The following MTOR variants were observed in gnomAD, a reference collection of about 807,000 sequenced individuals.
The protein encoded by MTOR is serine/threonine-protein kinase mTOR.
A neutral mutation model predicts 319.8 loss-of-function variants in MTOR; 70 were observed. That is an observed-to-expected ratio of 0.22 (90% CI 0.18 to 0.27). The LOEUF (loss-of-function observed/expected upper bound fraction) is 0.27. MTOR is among the 10% of genes least tolerant of loss of function. MTOR has a pLI of 1.00. For missense variants in MTOR, 1,890 were observed against 3,274.4 expected (o/e 0.58, Z 10.32); for synonymous variants, 1,183 against 1,211.4 (o/e 0.98, Z 0.49).
In MTOR at chr1:11,133,205, C is replaced by T. The variant is rs550835012; in HGVS notation, c.5247-8G>A. On this transcript the variant is annotated splice_region_variant and splice_polypyrimidine_tract_variant and intron_variant, in intron 37 of 57. Transcript: ENST00000361445. This position sits in a 1 kb window ranked among gnomAD's most constrained non-coding sequence, Gnocchi z 4.0. ...CCAAGTTTCAGGAAGCATCTGGAAGCAGAGAAACAAGCCCCCATGACATTC... is the reference window on the plus strand; with the variant it reads ...CCAAGTTTCAGGAAGCATCTGGAAGTAGAGAAACAAGCCCCCATGACATTC... The T allele has an allele frequency of 4.8e-5, 77 of 1,612,944 alleles. 1 individual carries two copies. In the South Asian group the frequency reaches 8.3e-4, roughly 17 times the overall value.
At chr1:11,112,726 C>T (rs1265765418) in intron 54 of MTOR, 126 bp downstream of exon 54, 2 of 989,822 alleles carry the variant, frequency 2.0e-6, no homozygotes, top group African/African-American at 1.6e-5. Flanking sequence ...TCTAGAAACA[C>T]TCTGCACAAG....
chr1:11,213,118 G>A (rs1646362582), intron 21 of MTOR, among the ~76,000 whole-genome samples: 1 of 152,148 alleles, frequency 6.6e-6, no homozygotes, highest in South Asian at 2.1e-4. Context: ...GCTTATTTGA[G>A]TTGATAAGGA....
chr1:11,165,198 T>G (rs143398929), intron 29 of MTOR, among the ~76,000 whole-genome samples: 8,993 of 152,244 alleles, frequency 0.059, 372 homozygotes, highest in South Asian at 0.12. Flanking sequence ...AAGACAGGGA[T>G]GCCCTCTCTC....
At chr1:11,134,836 T>C (rs768875810) in intron 36 of MTOR, among the ~76,000 whole-genome samples, 1 of 152,250 alleles carries the variant, frequency 6.6e-6, no homozygotes, top group Non-Finnish European at 1.5e-5. Flanking sequence ...CTTTTGGGAA[T>C]TGTTTCAGGC....
intron 46 of MTOR, 117 bp downstream of exon 46, chr1:11,126,505 G>C: frequency 2.6e-6 from 3 of 1,160,692 alleles, no homozygotes; most frequent in Non-Finnish European, 3.6e-6. Context: ...GCATGGGAGA[G>C]ATGTAGCTAT....
intron 57 of MTOR, among the ~76,000 whole-genome samples, 159 bp downstream of exon 57, chr1:11,108,022 A>G (rs1641661152): frequency 6.6e-6 from 1 of 152,198 alleles, no homozygotes; most frequent in South Asian, 2.1e-4. Flanking sequence ...TTTTATAACA[A>G]TGGGCACATG....
At chr1:11,189,737 A>C in intron 28 of MTOR, 2 of 1,614,172 alleles carry the variant, frequency 1.2e-6, no homozygotes, top group East Asian at 2.2e-5. Flanking sequence ...AAGGAGCTCA[A>C]GGCCCAAGTT....
At chr1:11,141,580 C>T (rs973098464) in intron 34 of MTOR, among the ~76,000 whole-genome samples, 3 of 151,686 alleles carry the variant, frequency 2.0e-5, no homozygotes, top group Non-Finnish European at 2.9e-5. Flanking sequence ...TGTTGGCCAG[C>T]CTGGTCTTGA....
intron 19 of MTOR, among the ~76,000 whole-genome samples, chr1:11,227,547 A>T (rs1043932476): frequency 1.3e-5 from 2 of 152,146 alleles, no homozygotes; most frequent in Non-Finnish European, 2.9e-5. Flanking sequence ...TAAGAATAAC[A>T]GGAACTACAA....
intron 1 of MTOR, among the ~76,000 whole-genome samples, chr1:11,260,843 G>A (rs1201115313): frequency 6.7e-6 from 1 of 148,386 alleles, no homozygotes; most frequent in Non-Finnish European, 1.5e-5. Flanking sequence ...AGGCTGGAGT[G>A]CAGTGGCATG....
intron 29 of MTOR, among the ~76,000 whole-genome samples, chr1:11,159,122 T>C (rs1305905787): frequency 6.6e-6 from 1 of 152,210 alleles, no homozygotes; most frequent in Non-Finnish European, 1.5e-5. Context: ...GCAGATCACC[T>C]GAATACCAGA....
Position 11,125,958 on chromosome 1 carries a change from T to A in MTOR, c.6526+664A>T, listed in dbSNP as rs529413052. Among the ~76,000 whole-genome samples, 86 of 149,206 alleles carry A rather than the reference T, an allele frequency of 5.8e-4. No homozygotes were observed. In the South Asian group the frequency reaches 7.9e-3, roughly 14 times the overall value. ...CGGGAGGCTGAGACAGGAGAATTGC[T>A]TGAACCTGGGAGGTGGAGGTTGCAG... On this transcript the variant is annotated intron_variant, in intron 46 of 57. Coordinates refer to ENST00000361445, the MANE Select transcript of MTOR (RefSeq NM_004958.4).
chr1:11,129,934 G>A lies in MTOR; in HGVS notation c.5614-96C>T, dbSNP rs3730382. 2.2e-4 allele frequency: 233 copies of A among 1,038,256 alleles called. No individual in the cohort carries two copies. In the African/African-American group the frequency reaches 3.0e-3, roughly 13 times the overall value. The allele number at this position is 1,038,256 out of a possible 1,614,324, so 64.3% of individuals were successfully genotyped here. A position where few individuals can be genotyped will look rare whatever the true frequency, so the allele number is the denominator to read the frequency against. ...ATACTAACTGTACCTACTTCAAAGG[G>A]TGGTTATAACAATTAAATCGGTTAA... On this transcript the variant is annotated intron_variant, in intron 39 of 57. Coordinates refer to ENST00000361445, the MANE Select transcript of MTOR (RefSeq NM_004958.4). The surrounding 1 kb of genome is among the most constrained non-coding windows in gnomAD (Gnocchi z 4.7).
At chr1:11,220,882 G>A (rs913207986) in intron 19 of MTOR, among the ~76,000 whole-genome samples, 1 of 152,044 alleles carries the variant, frequency 6.6e-6, no homozygotes, top group Admixed American at 6.6e-5. Context: ...AATAAAGGAA[G>A]GAAGAAAACG....
At chr1:11,114,773 G>T in intron 52 of MTOR, 40 bp downstream of exon 52, 1 of 1,589,098 alleles carries the variant, frequency 6.3e-7, no homozygotes, top group Non-Finnish European at 8.6e-7. Flanking sequence ...TAACTGTCCT[G>T]ATCCCATTTG....
rs186651142 is a variant in MTOR, at chr1:11,257,637, G to A, written c.272-472C>T. Among the ~76,000 whole-genome samples the A allele has an allele frequency of 1.9e-3, 285 of 150,616 alleles. 1 individual carries two copies. Among genetic ancestry groups the A allele is most frequent in the African/African-American group, 6.7e-3 (277 of 41,114 alleles). ...TTCTACTTTGAGTACATTTCTAGAT[G>A]GCAAGGACAGATACAATTTTCATTT... On this transcript the variant is annotated intron_variant, in intron 3 of 57. Transcript: ENST00000361445.
At chr1:11,226,072 T>C (rs1191350681) in intron 19 of MTOR, among the ~76,000 whole-genome samples, 4 of 152,348 alleles carry the variant, frequency 2.6e-5, no homozygotes, top group Admixed American at 2.0e-4. Context: ...AAGGTGGTTT[T>C]AATATAAGAA....
chr1:11,191,079 G>A (rs1645512476), intron 28 of MTOR, among the ~76,000 whole-genome samples: 1 of 152,084 alleles, frequency 6.6e-6, no homozygotes, highest in African/African-American at 2.4e-5. Flanking sequence ...CCAGACATGC[G>A]GAAGACCAGG....
chr1:11,161,106 G>A (rs919951802), intron 29 of MTOR, among the ~76,000 whole-genome samples: 6 of 152,200 alleles, frequency 3.9e-5, no homozygotes, highest in East Asian at 1.9e-4. Flanking sequence ...CTTTTCCAAC[G>A]GTCTTAGCAA....
Sources: allele counts gnomAD v4.1 joint callset (sites outside exome capture counted in the v4.1 genomes callset), GRCh38; gene constraint gnomAD v4.1.1; non-coding constraint Gnocchi (gnomAD v3.1); transcripts MANE v1.5; gene names NCBI Gene and HGNC (gene_info 2026-07-23, HGNC 2026-07-21).